TBL1X: variants seen among roughly 807,000 people sequenced by gnomAD.
TBL1X encodes the protein F-box-like/WD repeat-containing protein TBL1X.
TBL1X carries 10 observed loss-of-function variants against 50.7 expected under a neutral mutation model. The observed-to-expected ratio is 0.20, with a 90% CI of 0.12 to 0.33. The LOEUF is 0.33. Ranked by LOEUF, TBL1X falls within the 10% of genes least tolerant of loss-of-function variation. The probability of loss-of-function intolerance (pLI) is 1.00; values close to 1 mark genes in which losing one functional copy is unlikely to be tolerated. For synonymous variants in TBL1X, 190 were observed against 214.7 expected, an observed-to-expected ratio of 0.88 and a Z score of 1.01; for missense variants, 340 against 504.4, an observed-to-expected ratio of 0.67 and a Z score of 3.12.
intron 2 of TBL1X, among the ~76,000 whole-genome samples, chrX:9,627,749 A>G (rs904087184): frequency 8.9e-5 from 10 of 112,295 alleles, no homozygotes; most frequent in Admixed American, 6.6e-4. Context: ...GCTTTCGTCT[A>G]AAACAATGAG....
At chrX:9,577,548 T>C (rs916782704) in intron 2 of TBL1X, among the ~76,000 whole-genome samples, 2 of 111,970 alleles carry the variant, frequency 1.8e-5, no homozygotes, top group Admixed American at 9.4e-5. Context: ...ACATTTTTGG[T>C]GGTGACAGTG....
chrX:9,467,567 T>G (rs995461307), intron 1 of TBL1X, among the ~76,000 whole-genome samples: 4 of 112,168 alleles, frequency 3.6e-5, no homozygotes, highest in African/African-American at 1.3e-4. Context: ...ACCACATGCA[T>G]TGAAAAATCA....
chrX:9,598,583 G>A (rs1487643872), intron 2 of TBL1X, among the ~76,000 whole-genome samples: 2 of 112,059 alleles, frequency 1.8e-5, no homozygotes, highest in African/African-American at 3.2e-5. Flanking sequence ...TAAATAGCTC[G>A]TGCTGTTTCT....
At chrX:9,636,972 A>G (rs1368885423) in intron 2 of TBL1X, 1 of 112,297 alleles carries the variant, frequency 8.9e-6, no homozygotes, top group Non-Finnish European at 1.9e-5. Flanking sequence ...ATGAAACAAT[A>G]GTTGTGTGAA....
In TBL1X at chrX:9,497,860, C is replaced by G. The variant is rs979036420; in HGVS notation, c.-200-3920C>G. 4.2e-5 allele frequency among the ~76,000 whole-genome samples: 4 copies of G among 94,653 alleles called. No homozygotes were observed. The Admixed American group carries it at 4.9e-4, about 12-fold the overall frequency. The allele number at this position is 94,653 out of a possible 115,157, so 82.2% of individuals were successfully genotyped here. The stretch of plus-strand genomic sequence containing the variant: ...TTTTCTTTCTCTCTCTCTCTGTCTC[C>G]CTCTCTCTCCCTCTCCCTCCCTCCC... On this transcript the variant is annotated intron_variant, in intron 1 of 17. Coordinates refer to ENST00000645353, the MANE Select transcript of TBL1X (RefSeq NM_005647.4).
chrX:9,537,960 C>G (rs1450959596), intron 2 of TBL1X, among the ~76,000 whole-genome samples: 1 of 111,534 alleles, frequency 9.0e-6, no homozygotes, highest in East Asian at 2.8e-4. Context: ...TGTGAGGCCA[C>G]TCGAGGCAGG....
At chrX:9,517,071 C>T (rs2082083990) in intron 2 of TBL1X, among the ~76,000 whole-genome samples, 1 of 111,260 alleles carries the variant, frequency 9.0e-6, no homozygotes, top group African/African-American at 3.3e-5. Context: ...GCAGAAGAAA[C>T]GTGGTAGGAA....
intron 5 of TBL1X, among the ~76,000 whole-genome samples, chrX:9,669,319 T>A (rs139458891): frequency 1.8e-5 from 2 of 111,967 alleles, no homozygotes; most frequent in East Asian, 5.6e-4. Context: ...TGCCACCTCC[T>A]GATATGGGAA....
intron 1 of TBL1X, among the ~76,000 whole-genome samples, chrX:9,497,685 T>C (rs1234457666): frequency 9.1e-6 from 1 of 110,057 alleles, no homozygotes; most frequent in African/African-American, 3.3e-5. Context: ...AAGGCTTCCA[T>C]TGGGAGGCTG....
At chrX:9,696,878 T>C (rs970852667) in intron 11 of TBL1X, among the ~76,000 whole-genome samples, 7 of 112,540 alleles carry the variant, frequency 6.2e-5, no homozygotes, top group African/African-American at 2.3e-4. Context: ...ATCGGAATGC[T>C]GAGCATGTGG....
chrX:9,643,936 C>T (rs2082789050), intron 3 of TBL1X, among the ~76,000 whole-genome samples: 4 of 111,968 alleles, frequency 3.6e-5, no homozygotes. Flanking sequence ...GGGGCACCGC[C>T]TGCCTTTCGA....
In TBL1X at chrX:9,652,000, C is replaced by T. The variant is rs1412403612; in HGVS notation, c.-42-1545C>T. Among the ~76,000 whole-genome samples, 4 of 112,110 alleles carry T rather than the reference C, an allele frequency of 3.6e-5. 1 individual carries two copies. The highest frequency in any genetic ancestry group is 7.5e-5 in the Non-Finnish European group (4 of 53,242). On this transcript the variant is annotated intron_variant, in intron 3 of 17. Transcript: ENST00000645353. ...CGTGGCTGCGGGTCACGGGTCCAGG[C>T]ACAGCACAGCTGGGGCCAGTGCTCA...
intron 1 of TBL1X, among the ~76,000 whole-genome samples, chrX:9,469,688 TG>T (rs2081800578): frequency 8.9e-6 from 1 of 112,550 alleles, no homozygotes; most frequent in African/African-American, 3.2e-5. Flanking sequence ...TAGATTGGTG[TG>T]ACCACCATCA....
At chrX:9,504,447 C>T (rs1396186995) in intron 2 of TBL1X, among the ~76,000 whole-genome samples, 3 of 112,002 alleles carry the variant, frequency 2.7e-5, no homozygotes, top group East Asian at 2.8e-4. Context: ...GACGGAGGAT[C>T]AGATGGATGA....
At chrX:9,508,873 G>A (rs927945024) in intron 2 of TBL1X, among the ~76,000 whole-genome samples, 1 of 110,171 alleles carries the variant, frequency 9.1e-6, no homozygotes, top group Non-Finnish European at 1.9e-5. Context: ...CTCATAAGGG[G>A]GAGTTGAACA....
intron 1 of TBL1X, among the ~76,000 whole-genome samples, chrX:9,491,607 A>G (rs1316632739): frequency 1.8e-5 from 2 of 109,878 alleles, no homozygotes; most frequent in African/African-American, 6.6e-5. Context: ...TGCTAATGGT[A>G]TCAATTGCAA....
intron 1 of TBL1X, among the ~76,000 whole-genome samples, chrX:9,472,912 C>T (rs1466467271): frequency 1.1e-5 from 1 of 92,737 alleles, no homozygotes; most frequent in Admixed American, 1.2e-4. Flanking sequence ...GACTCCGTCT[C>T]AAAAAAAAAA....
chrX:9,609,528 A>T (rs1383265864), intron 2 of TBL1X, among the ~76,000 whole-genome samples: 2 of 110,829 alleles, frequency 1.8e-5, no homozygotes, highest in African/African-American at 6.6e-5. Context: ...AAATGTTTGT[A>T]TGCATCTCTT....
intron 2 of TBL1X, among the ~76,000 whole-genome samples, chrX:9,595,862 T>C (rs1237178517): frequency 2.7e-5 from 3 of 112,484 alleles, no homozygotes; most frequent in Non-Finnish European, 3.7e-5. Flanking sequence ...TTCTGTGATA[T>C]GTTTAAAATA....
Sources: allele counts gnomAD v4.1 joint callset (sites outside exome capture counted in the v4.1 genomes callset), GRCh38; gene constraint gnomAD v4.1.1; transcripts MANE v1.5; gene names NCBI Gene and HGNC (gene_info 2026-07-23, HGNC 2026-07-21).